Variants in RNFT1 observed in about 807,000 individuals in gnomAD.
RNFT1 encodes the protein ring finger protein, transmembrane 1.
RNFT1 carries 35 observed loss-of-function variants against 53.2 expected under a neutral mutation model. The ratio of observed to expected loss-of-function variants is 0.66; its 90% CI spans 0.50 to 0.87. The LOEUF (loss-of-function observed/expected upper bound fraction) is 0.87. Among genes scored for constraint, RNFT1 ranks in the 40% least tolerant of loss-of-function variants. The pLI is 0.00. For missense variants in RNFT1, 421 were observed against 515.0 expected (o/e 0.82, Z 1.77); for synonymous variants, 141 against 172.8 (o/e 0.82, Z 1.44).
In RNFT1 at chr17:59,952,357, CAA is replaced by C. The variant is rs1384823071; in HGVS notation, c.*618_*619del. 1 of 152,130 alleles carries C rather than the reference CAA, an allele frequency of 6.6e-6. No homozygotes were observed. The highest frequency in any genetic ancestry group is 1.5e-5 in the Non-Finnish European group (1 of 68,028). 9.4% of individuals were successfully genotyped at this position (152,130 alleles called of 1,614,324 possible). On this transcript the variant is annotated 3_prime_UTR_variant, in exon 9 of 9. Transcript: ENST00000305783. ...AGGAAGAATTTATGACGTCCAGAGA[CAA>C]AATGAATTTAAATCATTTATTTTCA...
At chr17:59,954,786 A>C (rs1293901049) in intron 7 of RNFT1, among the ~76,000 whole-genome samples, 4 of 152,350 alleles carry the variant, frequency 2.6e-5, no homozygotes, top group Middle Eastern at 3.4e-3. Context: ...AACATAAAAA[A>C]GTTTTACGGA....
In RNFT1 at chr17:59,962,984, G is replaced by A; in HGVS notation, c.357C>T (p.Ser119=). The A allele has an allele frequency of 6.2e-7, 1 of 1,614,212 alleles. No homozygotes were observed. Among genetic ancestry groups the A allele is most frequent in the Non-Finnish European group, 8.5e-7 (1 of 1,180,034 alleles). ...GCVHSRLRGH[S]HSEARLTDDT... ...CATCAGTCAGCCTTGCTTCACTGTGGGAGTGACCCCGTAAGCGACTGTGTA... is the reference window on the plus strand; with the variant it reads ...CATCAGTCAGCCTTGCTTCACTGTGAGAGTGACCCCGTAAGCGACTGTGTA... The change falls in exon 2 of 9, where the codon TCC becomes TCT. Residue 119 remains serine (S), a synonymous_variant. Transcript: ENST00000305783.
chr17:59,960,549 A>T (rs1226752296), intron 3 of RNFT1, among the ~76,000 whole-genome samples: 1 of 151,002 alleles, frequency 6.6e-6, no homozygotes, highest in Non-Finnish European at 1.5e-5. Context: ...AGTGGCTCAC[A>T]CTTGTAATCC....
intron 3 of RNFT1, among the ~76,000 whole-genome samples, chr17:59,960,590 C>G (rs184498716): frequency 6.6e-6 from 1 of 151,738 alleles, no homozygotes; most frequent in African/African-American, 2.4e-5. Context: ...GTCGGCGGAT[C>G]GCTTGAGGTC....
At chr17:59,960,428 G>A (rs2045281634) in intron 3 of RNFT1, among the ~76,000 whole-genome samples, 1 of 83,240 alleles carries the variant, frequency 1.2e-5, no homozygotes. Flanking sequence ...AAGAAGCCAA[G>A]TCTTCTCTCA....
In RNFT1 at chr17:59,963,279, T is replaced by C. The variant is rs1486316993; in HGVS notation, c.62A>G (p.Gln21Arg). ...PPSASGHERR[Q>R]RPEAKTSGSE... ...CCCAGATGTCTTTGCTTCAGGCCTCTGTCTCCTAAAAAATCAAATAAAAGA... is the reference window on the plus strand; with the variant it reads ...CCCAGATGTCTTTGCTTCAGGCCTCCGTCTCCTAAAAAATCAAATAAAAGA... The change falls in exon 2 of 9, where the codon CAG becomes CGG. Residue 21 changes from glutamine to arginine, a missense_variant. Transcript: ENST00000305783. 2 of 1,600,744 alleles carry C rather than the reference T, an allele frequency of 1.2e-6. No individual in the cohort carries two copies. The highest frequency in any genetic ancestry group is 1.7e-6 in the Non-Finnish European group (2 of 1,173,178).
intron 1 of RNFT1, 148 bp downstream of exon 1, chr17:59,964,460 G>A: frequency 3.3e-6 from 2 of 613,494 alleles, no homozygotes; most frequent in Non-Finnish European, 5.4e-6. Flanking sequence ...GGAGAAAAAA[G>A]GGAAGAAAAT....
intron 3 of RNFT1, among the ~76,000 whole-genome samples, chr17:59,962,123 G>A (rs1209928845): frequency 1.3e-5 from 2 of 152,004 alleles, no homozygotes; most frequent in African/African-American, 4.8e-5. Context: ...CTGACCTCAT[G>A]ATCTGCCCGC....
chr17:59,964,446 A>G (rs549513295), intron 1 of RNFT1, among the ~76,000 whole-genome samples, 162 bp downstream of exon 1: 1 of 152,284 alleles, frequency 6.6e-6, no homozygotes, highest in Non-Finnish European at 1.5e-5. Flanking sequence ...ACAGACAAGA[A>G]AGAGGAGAAA....
At chr17:59,957,012 C>A (rs371887988) in intron 6 of RNFT1, among the ~76,000 whole-genome samples, 7 of 152,276 alleles carry the variant, frequency 4.6e-5, no homozygotes, top group African/African-American at 1.7e-4. Flanking sequence ...ATGTGAAGGT[C>A]GACTCCCCTT....
In RNFT1 at chr17:59,964,684, G is replaced by T; in HGVS notation, c.-21C>A. 5 of 1,593,502 alleles carry T rather than the reference G, an allele frequency of 3.1e-6. No individual in the cohort carries two copies. The highest frequency in any genetic ancestry group is 3.4e-6 in the Non-Finnish European group (4 of 1,170,206). Reference sequence around the variant, plus strand: ...GGCATACACCGCCTCCAGCCCTTCAGTCGGGGCCATCAACCGCAAACCCCG... The same window carrying T: ...GGCATACACCGCCTCCAGCCCTTCATTCGGGGCCATCAACCGCAAACCCCG... On this transcript the variant is annotated 5_prime_UTR_variant, in exon 1 of 9. It adds an upstream start codon to the 5' untranslated region. Coordinates refer to ENST00000305783, the MANE Select transcript of RNFT1 (RefSeq NM_016125.4).
At chr17:59,957,660 C>CA (rs1238382808) in intron 5 of RNFT1, among the ~76,000 whole-genome samples, 1 of 152,052 alleles carries the variant, frequency 6.6e-6, no homozygotes, top group Non-Finnish European at 1.5e-5. Flanking sequence ...AGCTGGCCAA[C>CA]ATGGTGAAAC....
At chr17:59,961,034 T>TC (rs1238848291) in intron 3 of RNFT1, among the ~76,000 whole-genome samples, 3 of 96,472 alleles carry the variant, frequency 3.1e-5, no homozygotes, top group Non-Finnish European at 5.7e-5. Flanking sequence ...GTAATCTCCC[T>TC]TTTTTTTTTT....
At position 59,962,810 on chromosome 17, in the gene RNFT1, G is replaced by A; in HGVS notation, c.514+17C>T. Reference sequence around the variant, plus strand: ...AATTTAGGAATGAAAACAAGTCAATGTTTTATTATGTCCTACCTGTTATAT... The same window carrying A: ...AATTTAGGAATGAAAACAAGTCAATATTTTATTATGTCCTACCTGTTATAT... On this transcript the variant is annotated intron_variant, in intron 2 of 8. Transcript: ENST00000305783. 1 of 1,584,648 alleles carries A rather than the reference G, an allele frequency of 6.3e-7. No individual in the cohort carries two copies. The highest frequency in any genetic ancestry group is 8.6e-7 in the Non-Finnish European group (1 of 1,160,014).
intron 3 of RNFT1, among the ~76,000 whole-genome samples, chr17:59,961,608 C>G (rs1244099365): frequency 6.6e-6 from 1 of 151,608 alleles, no homozygotes; most frequent in African/African-American, 2.4e-5. Flanking sequence ...GATGGAGTCT[C>G]ACTCTGTCGC....
Position 59,952,795 on chromosome 17 carries a change from A to G in RNFT1, c.*182T>C. ...GCATATACATTAGGTTGAACATTAT[A>G]TATATTTTAAAACACAGGGTGGTTT... On this transcript the variant is annotated 3_prime_UTR_variant, in exon 9 of 9. Coordinates refer to ENST00000305783, the MANE Select transcript of RNFT1 (RefSeq NM_016125.4). 1.9e-6 allele frequency: 1 copy of G among 513,544 alleles called. No homozygotes were observed. Among genetic ancestry groups the G allele is most frequent in the Non-Finnish European group, 3.4e-6 (1 of 292,846 alleles). The allele number at this position is 513,544 out of a possible 1,614,324, so 31.8% of individuals were successfully genotyped here. A position where few individuals can be genotyped will look rare whatever the true frequency, so the allele number is the denominator to read the frequency against.
intron 2 of RNFT1, 41 bp from the exon 3 acceptor site, chr17:59,962,657 A>G: frequency 1.4e-6 from 2 of 1,462,440 alleles, no homozygotes; most frequent in Non-Finnish European, 9.4e-7. Flanking sequence ...AGAAAAAAAA[A>G]TCAAAGAGGA....
chr17:59,964,701 C>T lies in RNFT1; in HGVS notation c.-38G>A. On this transcript the variant is annotated 5_prime_UTR_variant, in exon 1 of 9. Coordinates refer to ENST00000305783, the MANE Select transcript of RNFT1 (RefSeq NM_016125.4). Reference sequence around the variant, plus strand: ...GCCCTTCAGTCGGGGCCATCAACCGCAAACCCCGCAAGCTCTTCTCTCAGC... The same window carrying T: ...GCCCTTCAGTCGGGGCCATCAACCGTAAACCCCGCAAGCTCTTCTCTCAGC... The T allele has an allele frequency of 2.5e-6, 4 of 1,571,826 alleles. No individual in the cohort carries two copies. In the South Asian group the frequency reaches 3.5e-5, roughly 14 times the overall value.
chr17:59,964,495 C>G lies in RNFT1; in HGVS notation c.56+113G>C. The G allele has an allele frequency of 3.4e-6, 3 of 884,286 alleles. No individual in the cohort carries two copies. In the Admixed American group the frequency reaches 9.1e-5, roughly 27 times the overall value. The allele number at this position is 884,286 out of a possible 1,614,324, so 54.8% of individuals were successfully genotyped here. A position where few individuals can be genotyped will look rare whatever the true frequency, so the allele number is the denominator to read the frequency against. ...TTCAACACAACTCTTCCGGAATCTC[C>G]GAGGGCAGAGTTCTCCACCCACGTC... On this transcript the variant is annotated intron_variant, in intron 1 of 8. Transcript: ENST00000305783.
Sources: gnomAD v4.1 joint callset for allele counts (sites outside exome capture counted in the v4.1 genomes callset) on GRCh38, gnomAD v4.1.1 for gene constraint, MANE v1.5 for transcripts, NCBI Gene and HGNC (gene_info 2026-07-23, HGNC 2026-07-21) for gene names.